CEP120: variants seen among roughly 807,000 people sequenced by gnomAD.
The protein encoded by CEP120 is centrosomal protein of 120 kDa.
CEP120 carries 113 observed loss-of-function variants against 126.5 expected under a neutral mutation model. The ratio of observed to expected loss-of-function variants is 0.89; its 90% confidence interval spans 0.77 to 1.04. CEP120 has a LOEUF of 1.04. Ranked by LOEUF, CEP120 falls within the 50% of genes least tolerant of loss-of-function variation. The pLI, the probability that CEP120 is intolerant of heterozygous loss-of-function variation, is 0.00. For synonymous variants in CEP120, 400 were observed against 394.3 expected (o/e 1.01, Z -0.17); for missense variants, 1,230 against 1,155.7 (o/e 1.06, Z -0.93).
chr5:123,385,159 A>C, intron 10 of CEP120, 26 bp from the exon 11 acceptor site: 1 of 1,562,072 alleles, frequency 6.4e-7, no homozygotes, highest in Non-Finnish European at 8.7e-7. Flanking sequence ...ACATGTGTTC[A>C]TACCTATCAA....
intron 18 of CEP120, among the ~76,000 whole-genome samples, chr5:123,359,560 GA>G (rs1769918549): frequency 1.3e-5 from 2 of 151,796 alleles, no homozygotes; most frequent in African/African-American, 4.8e-5. Flanking sequence ...TCTTGAAGAA[GA>G]AAAAAAGCAA....
At chr5:123,364,936 T>C (rs566101205) in intron 17 of CEP120, among the ~76,000 whole-genome samples, 1 of 151,742 alleles carries the variant, frequency 6.6e-6, no homozygotes, top group African/African-American at 2.4e-5. Flanking sequence ...GTTCTAACTG[T>C]TAACATTCCA....
Position 123,419,557 on chromosome 5 carries a change from A to AAC in CEP120, c.50-1043_50-1042insGT, listed in dbSNP as rs200368444. 3.3e-3 allele frequency among the ~76,000 whole-genome samples: 478 copies of AAC among 143,354 alleles called. 3 individuals carry two copies. The highest frequency in any genetic ancestry group is 0.018 in the Admixed American group (264 of 14,656). 94.0% of individuals were successfully genotyped at this position (143,354 alleles called of 152,430 possible). On this transcript the variant is annotated intron_variant, in intron 1 of 19. Transcript: ENST00000306467. ...AAAAAAAAACAAAAACAAAAACAAA[A>AAC]AAAAAAAAACAGAATACTTTCCAAA...
intron 5 of CEP120, among the ~76,000 whole-genome samples, chr5:123,394,526 T>G (rs955426001): frequency 2.0e-5 from 3 of 152,160 alleles, no homozygotes; most frequent in Middle Eastern, 3.2e-3. Context: ...CACCTCCTGC[T>G]GTGTAGCCGG....
rs548355953 is a variant in CEP120 at position 123,399,138 on chromosome 5, G to A, written c.610C>T (p.Gln204Ter). ...VTIAFATQLE[Q>*]LIPCTMKLPE... ...ACCAATCTCATGAAAAGTCTCACCT[G>A]TTCCAACTGGGTAGCAAATGCTATG... The change falls in exon 5 of 20, where the codon CAG (glutamine) becomes TAG (stop). Residue 204 changes from glutamine (Q) to a stop codon, truncating the protein, a stop_gained and splice_region_variant. Coordinates refer to ENST00000306467, the MANE Select transcript of CEP120 (RefSeq NM_001375405.1). LOFTEE classifies it high-confidence loss of function. The A allele has an allele frequency of 6.2e-7, 1 of 1,604,488 alleles. No homozygotes were observed. Among genetic ancestry groups the A allele is most frequent in the South Asian group, 1.1e-5 (1 of 89,240 alleles).
intron 18 of CEP120, among the ~76,000 whole-genome samples, chr5:123,355,714 T>G (rs1769556677): frequency 6.6e-6 from 1 of 151,952 alleles, no homozygotes; most frequent in Admixed American, 6.6e-5. Context: ...TGCAAAAATT[T>G]TCTCCCATTC....
In CEP120 at chr5:123,372,779, TA is replaced by T. The variant is rs1206988352; in HGVS notation, c.2359-8del. Reference sequence around the variant, plus strand: ...TATTTTCAGCATCATTAAGCTGTATTAAAAAAAGTTTAGCCATTTCAAAACA... The same window carrying T: ...TATTTTCAGCATCATTAAGCTGTATTAAAAAAGTTTAGCCATTTCAAAACA... On this transcript the variant is annotated splice_polypyrimidine_tract_variant and splice_region_variant and intron_variant, in intron 16 of 19. Coordinates refer to ENST00000306467, the MANE Select transcript of CEP120 (RefSeq NM_001375405.1). 1.3e-6 allele frequency: 2 copies of T among 1,585,550 alleles called. No individual in the cohort carries two copies. The highest frequency in any genetic ancestry group is 1.7e-6 in the Non-Finnish European group (2 of 1,166,852).
At chr5:123,390,940 A>G in intron 7 of CEP120, 170 bp downstream of exon 7, 1 of 598,076 alleles carries the variant, frequency 1.7e-6, no homozygotes, top group Non-Finnish European at 2.9e-6. Context: ...CTTATAAACC[A>G]TAACAGAAGT....
rs747974605 is a variant in CEP120 at position 123,349,968 on chromosome 5, A to G, written c.2702T>C (p.Leu901Ser). The change falls in exon 19 of 20, where the codon TTG becomes TCG. Residue 901 changes from leucine (L) to serine (S), a missense_variant. Transcript: ENST00000306467. ...CCTGTTCAATTCATTTCTTATATCC[A>G]ACAATTCTTGTCGCTCGGTTTTTAC... ...DTVKTERQELLDIRNELNRLR... is the reference protein window; with the variant it reads ...DTVKTERQELSDIRNELNRLR... 6.2e-7 allele frequency: 1 copy of G among 1,613,726 alleles called. No homozygotes were observed. The highest frequency in any genetic ancestry group is 8.5e-7 in the Non-Finnish European group (1 of 1,179,870).
chr5:123,416,838 T>A (rs1326012752), intron 2 of CEP120, among the ~76,000 whole-genome samples: 1 of 152,216 alleles, frequency 6.6e-6, no homozygotes, highest in East Asian at 1.9e-4. Context: ...TACAAATACA[T>A]GCTTATAGCT....
intron 18 of CEP120, among the ~76,000 whole-genome samples, chr5:123,360,780 C>T (rs187489657): frequency 3.8e-4 from 57 of 151,716 alleles, no homozygotes; most frequent in African/African-American, 1.3e-3. Context: ...TGCAGTGGAG[C>T]CTTTCACACT....
At chr5:123,421,986 T>A (rs1045426664) in intron 1 of CEP120, among the ~76,000 whole-genome samples, 17 of 152,216 alleles carry the variant, frequency 1.1e-4, no homozygotes, top group African/African-American at 4.1e-4. Flanking sequence ...GCCAGGCTTC[T>A]GCTCTGGCTC....
chr5:123,420,755 G>A (rs754864769), intron 1 of CEP120, among the ~76,000 whole-genome samples: 1 of 152,202 alleles, frequency 6.6e-6, no homozygotes, highest in African/African-American at 2.4e-5. Context: ...AAGTTAGGTG[G>A]ATAATGAGGG....
At chr5:123,407,055 T>G (rs1459317879) in intron 4 of CEP120, among the ~76,000 whole-genome samples, 1 of 150,812 alleles carries the variant, frequency 6.6e-6, no homozygotes, top group Non-Finnish European at 1.5e-5. Flanking sequence ...ATACTGTTAT[T>G]TGAAATTTGT....
intron 7 of CEP120, 198 bp downstream of exon 7, chr5:123,390,912 G>A: frequency 2.0e-6 from 1 of 511,588 alleles, no homozygotes; most frequent in Non-Finnish European, 3.4e-6. Flanking sequence ...AAGGCTAAGA[G>A]GGCTCTGGGT....
At chr5:123,384,470 A>G (rs1360548588) in intron 11 of CEP120, among the ~76,000 whole-genome samples, 1 of 152,152 alleles carries the variant, frequency 6.6e-6, no homozygotes, top group Non-Finnish European at 1.5e-5. Context: ...AGGGCAAAAA[A>G]CCAATAATTA....
intron 18 of CEP120, among the ~76,000 whole-genome samples, chr5:123,358,694 TCACA>T (rs34534235): frequency 6.6e-6 from 1 of 150,938 alleles, no homozygotes. Context: ...TTAATAATAA[TCACA>T]CACACACACA....
Position 123,382,971 on chromosome 5 carries a change from T to G in CEP120, c.1860+15A>C. ...TCCTTTTAAAAAAAATTTGATAACA[T>G]TCAATTATATTTACCTGAGATGAAT... is the stretch of plus-strand genomic sequence containing the variant. On this transcript the variant is annotated intron_variant, in intron 12 of 19. Transcript: ENST00000306467. The G allele has an allele frequency of 6.3e-7, 1 of 1,595,986 alleles. No individual in the cohort carries two copies. Among genetic ancestry groups the G allele is most frequent in the Non-Finnish European group, 8.5e-7 (1 of 1,169,648 alleles).
rs757357277 is a variant in CEP120, at chr5:123,349,966, C to A, written c.2704G>T (p.Asp902Tyr). 2 of 1,613,470 alleles carry A rather than the reference C, an allele frequency of 1.2e-6. No individual in the cohort carries two copies. Among genetic ancestry groups the A allele is most frequent in the South Asian group, 2.2e-5 (2 of 90,980 alleles). The change falls in exon 19 of 20, where the codon GAT becomes TAT. Residue 902 changes from aspartate (D) to tyrosine (Y), a missense_variant. Asp to Tyr is a radical substitution (Grantham distance 160). Transcript: ENST00000306467. ...TACCTGTTCAATTCATTTCTTATAT[C>A]CAACAATTCTTGTCGCTCGGTTTTT... ...TVKTERQELL[D>Y]IRNELNRLRQ...
Sources: gnomAD v4.1 joint callset for allele counts (sites outside exome capture counted in the v4.1 genomes callset) on GRCh38, gnomAD v4.1.1 for gene constraint, MANE v1.5 for transcripts, NCBI Gene and HGNC (gene_info 2026-07-23, HGNC 2026-07-21) for gene names.